Variants in UNC13C observed in about 807,000 individuals in gnomAD.
UNC13C encodes protein unc-13 homolog C.
A neutral mutation model predicts 245.4 loss-of-function variants in UNC13C; 174 were observed. The observed-to-expected ratio is 0.71, with a 90% CI of 0.63 to 0.80. UNC13C has a LOEUF of 0.80. Ranked by LOEUF, UNC13C falls within the 30% of genes least tolerant of loss-of-function variation. The pLI is 0.00. For missense variants in UNC13C, 2,829 were observed against 2,602.9 expected (o/e 1.09, Z -1.89); for synonymous variants, 992 against 895.1 (o/e 1.11, Z -1.93).
At chr15:53,984,839 C>T (rs758566066) in intron 1 of UNC13C, among the ~76,000 whole-genome samples, 3 of 152,062 alleles carry the variant, frequency 2.0e-5, no homozygotes, top group Non-Finnish European at 4.4e-5. Context: ...TGTATCAGCA[C>T]ATTTATGGCA....
At chr15:54,277,381 A>G (rs1364861839) in intron 10 of UNC13C, among the ~76,000 whole-genome samples, 1 of 152,186 alleles carries the variant, frequency 6.6e-6, no homozygotes, top group Non-Finnish European at 1.5e-5. Context: ...TTGAGCTTTT[A>G]TTATGATTAG....
At chr15:54,566,065 T>A (rs181461658) in intron 29 of UNC13C, among the ~76,000 whole-genome samples, 3 of 151,978 alleles carry the variant, frequency 2.0e-5, no homozygotes, top group East Asian at 1.9e-4. Flanking sequence ...CTTTCCAGAG[T>A]TCCCCCCCTA....
At chr15:54,397,405 G>C (rs2140924159) in intron 18 of UNC13C, among the ~76,000 whole-genome samples, 1 of 151,530 alleles carries the variant, frequency 6.6e-6, no homozygotes. Context: ...AATTACACCA[G>C]TACTGCATGT....
rs369962508 is a variant in UNC13C at position 54,432,848 on chromosome 15, C to G, written c.4933+17781C>G. On this transcript the variant is annotated intron_variant, in intron 19 of 32. Transcript: ENST00000260323. ...AAAAGATTAACAAAATAGCTGCTAG[C>G]CAGATGAATGAAGAAGAAAAGAGAG... 2.0e-4 allele frequency among the ~76,000 whole-genome samples: 31 copies of G among 151,300 alleles called. 2 individuals are homozygous for G. In the South Asian group the frequency reaches 6.2e-3, roughly 30 times the overall value.
chr15:54,174,856 T>C lies in UNC13C; in HGVS notation c.3071+31172T>C, dbSNP rs138410320. Among the ~76,000 whole-genome samples the C allele has an allele frequency of 4.2e-3, 636 of 152,334 alleles. 6 individuals are homozygous for C. Among genetic ancestry groups the C allele is most frequent in the African/African-American group, 0.015 (613 of 41,566 alleles). On this transcript the variant is annotated intron_variant, in intron 4 of 32. Coordinates refer to ENST00000260323, the MANE Select transcript of UNC13C (RefSeq NM_001080534.3). ...GCAGGTAAGAATGGAGATACTCCTC[T>C]TGATTTCAATTTAATTAAGATGCCA...
chr15:54,450,092 T>C (rs1467394414), intron 19 of UNC13C, among the ~76,000 whole-genome samples: 1 of 152,060 alleles, frequency 6.6e-6, no homozygotes, highest in Non-Finnish European at 1.5e-5. Context: ...ACAGTGAATA[T>C]TGAACAGCGA....
rs1475400252 is a variant in UNC13C, at chr15:54,254,610, G to C, written c.3448+4166G>C. ...GCATACGCTATTAAAGGAGCTTCGA[G>C]ATTAGTGAGTTAGGAAACTCAGTCT... On this transcript the variant is annotated intron_variant, in intron 8 of 32. Coordinates refer to ENST00000260323, the MANE Select transcript of UNC13C (RefSeq NM_001080534.3). Among the ~76,000 whole-genome samples, 8 of 152,302 alleles carry C rather than the reference G, an allele frequency of 5.3e-5. No individual in the cohort carries two copies. In the East Asian group the frequency reaches 1.5e-3, roughly 29 times the overall value.
intron 2 of UNC13C, among the ~76,000 whole-genome samples, chr15:54,048,414 C>A (rs571424369): frequency 6.6e-6 from 1 of 152,244 alleles, no homozygotes; most frequent in Admixed American, 6.5e-5. Flanking sequence ...ATTCCAGTGC[C>A]CTTTTCAGTT....
chr15:54,079,026 T>A (rs28838739), intron 2 of UNC13C, among the ~76,000 whole-genome samples: 5,355 of 152,246 alleles, frequency 0.035, 321 homozygotes, highest in African/African-American at 0.12. Flanking sequence ...GTCTTCTGCA[T>A]GTGTCTAGCC....
chr15:54,461,581 C>T (rs1015315509), intron 19 of UNC13C, among the ~76,000 whole-genome samples: 2 of 152,012 alleles, frequency 1.3e-5, no homozygotes, highest in Admixed American at 1.3e-4. Flanking sequence ...GAAAATACTA[C>T]ATGTATTTAT....
In UNC13C at chr15:54,364,873, A is replaced by G. The variant is rs73417732; in HGVS notation, c.4713+26384A>G. ...TGAATGAGTCTAATTATAGTATGCT[A>G]GAGCTACTGCTAGATGTACATAAAA... On this transcript the variant is annotated intron_variant, in intron 17 of 32. Transcript: ENST00000260323. 7.9e-3 allele frequency among the ~76,000 whole-genome samples: 1,207 copies of G among 152,344 alleles called. 11 individuals are homozygous for G. The highest frequency in any genetic ancestry group is 0.028 in the African/African-American group (1,154 of 41,578).
chr15:53,899,160 AC>A, the UNC13C span, among the ~76,000 whole-genome samples: 1 of 152,172 alleles, frequency 6.6e-6, no homozygotes, highest in Non-Finnish European at 1.5e-5. Context: ...ATATCCTGTT[AC>A]ACTATTGCAC....
At chr15:54,172,718 ATATATATATATATATATATAT>A (rs2033455894) in intron 4 of UNC13C, among the ~76,000 whole-genome samples, 1 of 21,774 alleles carries the variant, frequency 4.6e-5, no homozygotes, top group African/African-American at 2.3e-4. Context: ...ATATATATAT[ATATATATATATATATATATAT>A]ATATATATAT....
At chr15:54,093,347 G>A (rs1899672221) in intron 2 of UNC13C, among the ~76,000 whole-genome samples, 2 of 152,120 alleles carry the variant, frequency 1.3e-5, no homozygotes, top group South Asian at 4.1e-4. Context: ...GTTTTATGTT[G>A]ACTTAAGTAG....
At chr15:53,981,489 T>C (rs1473640452) in intron 1 of UNC13C, among the ~76,000 whole-genome samples, 2 of 152,208 alleles carry the variant, frequency 1.3e-5, no homozygotes, top group Non-Finnish European at 2.9e-5. Context: ...TTTGGTAATA[T>C]GCATTTAGAA....
intron 17 of UNC13C, among the ~76,000 whole-genome samples, chr15:54,383,873 G>T (rs574006844): frequency 6.6e-6 from 1 of 151,714 alleles, no homozygotes; most frequent in Non-Finnish European, 1.5e-5. Flanking sequence ...ACCAATAATG[G>T]CATAGCCAAA....
chr15:54,051,889 C>T (rs1454450825), intron 2 of UNC13C, among the ~76,000 whole-genome samples: 1 of 142,070 alleles, frequency 7.0e-6, no homozygotes, highest in African/African-American at 2.6e-5. Context: ...TTAGGTATAT[C>T]TCCCAATGCT....
intron 7 of UNC13C, among the ~76,000 whole-genome samples, chr15:54,242,290 AGTAATTTTT>A (rs1464886593): frequency 6.6e-6 from 1 of 152,140 alleles, no homozygotes; most frequent in Admixed American, 6.5e-5. Flanking sequence ...TTATTTTGAG[AGTAATTTTT>A]TGACTGTTGA....
chr15:54,474,777 G>T (rs1017912372), intron 19 of UNC13C, among the ~76,000 whole-genome samples: 36 of 151,960 alleles, frequency 2.4e-4, no homozygotes, highest in African/African-American at 8.0e-4. Context: ...TGTTTCTTCA[G>T]GCTGTACAAG....
Sources: allele counts gnomAD v4.1 joint callset (sites outside exome capture counted in the v4.1 genomes callset), GRCh38; gene constraint gnomAD v4.1.1; transcripts MANE v1.5; gene names NCBI Gene and HGNC (gene_info 2026-07-23, HGNC 2026-07-21).